Variants in CLCA1 observed in about 807,000 individuals in gnomAD.
CLCA1 encodes calcium-activated chloride channel regulator 1.
CLCA1 carries 59 observed loss-of-function variants against 85.6 expected under a neutral mutation model. The observed-to-expected ratio is 0.69, with a 90% confidence interval of 0.56 to 0.86. The LOEUF is 0.86. Among genes scored for constraint, CLCA1 ranks in the 40% least tolerant of loss-of-function variants. The pLI is 0.00. For synonymous variants in CLCA1, 396 were observed against 398.3 expected (o/e 0.99, Z 0.07); for missense variants, 1,022 against 1,101.4 (o/e 0.93, Z 1.02).
At chr1:86,487,614 G>C (rs1648017421) in intron 7 of CLCA1, among the ~76,000 whole-genome samples, 2 of 152,118 alleles carry the variant, frequency 1.3e-5, no homozygotes, top group South Asian at 4.1e-4. Context: ...TTGCAGTGGT[G>C]TCTGCTGTGG....
intron 1 of CLCA1, among the ~76,000 whole-genome samples, chr1:86,472,703 T>C (rs545715245): frequency 6.6e-6 from 1 of 152,316 alleles, no homozygotes; most frequent in East Asian, 1.9e-4. Flanking sequence ...AATTATGCTA[T>C]TTTCTTATAT....
intron 7 of CLCA1, among the ~76,000 whole-genome samples, 181 bp downstream of exon 7, chr1:86,486,934 G>A (rs535596334): frequency 1.2e-4 from 19 of 152,268 alleles, no homozygotes; most frequent in Admixed American, 1.1e-3. Flanking sequence ...GGTTGAAAGG[G>A]GCTGGCAGGC....
intron 6 of CLCA1, 125 bp from the exon 7 acceptor site, chr1:86,486,401 C>T (rs370441173): frequency 6.0e-5 from 47 of 779,330 alleles, no homozygotes; most frequent in East Asian, 4.8e-4. Flanking sequence ...ATAGGATATG[C>T]CTCAAGTAAG....
At chr1:86,486,794 T>C (rs1219058574) in intron 7 of CLCA1, 41 bp downstream of exon 7, 1 of 1,564,018 alleles carries the variant, frequency 6.4e-7, no homozygotes, top group South Asian at 1.1e-5. Flanking sequence ...ATGTTTGCAA[T>C]TTATGTTGCT....
At chr1:86,482,551 C>G (rs1387891172) in intron 5 of CLCA1, among the ~76,000 whole-genome samples, 169 bp downstream of exon 5, 1 of 152,176 alleles carries the variant, frequency 6.6e-6, no homozygotes, top group Non-Finnish European at 1.5e-5. Context: ...TGTCTTCCTT[C>G]CCCTTACCCT....
At chr1:86,483,276 G>A (rs113038048) in intron 5 of CLCA1, among the ~76,000 whole-genome samples, 1 of 152,140 alleles carries the variant, frequency 6.6e-6, no homozygotes, top group Non-Finnish European at 1.5e-5. Context: ...AGGTGTGGAA[G>A]CCTCTGCCTG....
At chr1:86,480,382 A>C (rs905330525) in intron 4 of CLCA1, among the ~76,000 whole-genome samples, 1 of 152,152 alleles carries the variant, frequency 6.6e-6, no homozygotes, top group East Asian at 1.9e-4. Context: ...AGAAGAATAG[A>C]TAATTTACAA....
At position 86,495,557 on chromosome 1, in the gene CLCA1, T is replaced by C; in HGVS notation, c.1995T>C (p.Tyr665=). The C allele has an allele frequency of 6.2e-7, 1 of 1,614,144 alleles. No individual in the cohort carries two copies. Among genetic ancestry groups the C allele is most frequent in the Non-Finnish European group, 8.5e-7 (1 of 1,179,968 alleles). Residue 665 remains tyrosine, a synonymous_variant, in exon 12 of 14, where the codon TAT becomes TAC. Coordinates refer to ENST00000394711, the MANE Select transcript of CLCA1 (RefSeq NM_001285.4). ...DGVYSRYFTT[Y]DTNGRYSVKV... ...TCTACTCAAGGTATTTCACAACTTA[T>C]GACACGAATGGTAGATACAGTGTAA...
At position 86,486,017 on chromosome 1, in the gene CLCA1, GGA is replaced by G. The variant is rs35497869; in HGVS notation, c.954+480_954+481del. Among the ~76,000 whole-genome samples, 25 of 147,388 alleles carry G rather than the reference GGA, an allele frequency of 1.7e-4. 1 individual carries two copies. Among genetic ancestry groups the G allele is most frequent in the African/African-American group, 3.3e-4 (13 of 39,920 alleles). ...GGCAGGCATGTCTTACATGGCAGCAGGAGAGAGAGAGAGAGAGAGAGAGAGTG... is the reference window on the plus strand; with the variant it reads ...GGCAGGCATGTCTTACATGGCAGCAGGAGAGAGAGAGAGAGAGAGAGAGTG... On this transcript the variant is annotated intron_variant, in intron 6 of 13. Coordinates refer to ENST00000394711, the MANE Select transcript of CLCA1 (RefSeq NM_001285.4).
chr1:86,481,705 G>A (rs2101734924), intron 4 of CLCA1, among the ~76,000 whole-genome samples: 1 of 151,922 alleles, frequency 6.6e-6, no homozygotes, highest in South Asian at 2.1e-4. Flanking sequence ...AGGTGTAGGG[G>A]GAAAGCATTC....
Position 86,499,908 on chromosome 1 carries a change from A to G in CLCA1, c.2608A>G (p.Thr870Ala), listed in dbSNP as rs1303227290. The G allele has an allele frequency of 3.7e-6, 6 of 1,613,842 alleles. No homozygotes were observed. The highest frequency in any genetic ancestry group is 5.1e-6 in the Non-Finnish European group (6 of 1,179,962). The change falls in exon 14 of 14, where the codon ACT (threonine) becomes GCT (alanine). Residue 870 changes from threonine (T) to alanine (A), a missense_variant. Physicochemically the swap from Thr to Ala is moderately conservative, Grantham distance 58. Transcript: ENST00000394711. ...AGTATCTTTGTTTATTCCTCCACAG[A>G]CTCCGCCAGAGACACCTAGTCCTGA... ...ARVSLFIPPQTPPETPSPDET... is the reference protein window; with the variant it reads ...ARVSLFIPPQAPPETPSPDET...
intron 1 of CLCA1, among the ~76,000 whole-genome samples, chr1:86,472,770 T>TA (rs1033554680): frequency 2.6e-5 from 4 of 151,946 alleles, no homozygotes; most frequent in Admixed American, 6.6e-5. Context: ...TGGCAAAGTT[T>TA]AAAAAAAAGA....
At position 86,469,118 on chromosome 1, in the gene CLCA1, C is replaced by A. The variant is rs779193119; in HGVS notation, c.147C>A (p.Leu49=). 6.2e-7 allele frequency: 1 copy of A among 1,604,034 alleles called. No homozygotes were observed. Among genetic ancestry groups the A allele is most frequent in the Admixed American group, 1.7e-5 (1 of 58,884 alleles). Residue 49 remains leucine (L), a synonymous_variant, in exon 1 of 14, where the codon CTC becomes CTA. Coordinates refer to ENST00000394711, the MANE Select transcript of CLCA1 (RefSeq NM_001285.4). The stretch of plus-strand genomic sequence containing the variant: ...CCAATGTGCCAGAAGATGAAACACT[C>A]ATTCAACAAATAAAGGTAAGTTCAT... ...IDPNVPEDET[L]IQQIKDMVTQ...
At chr1:86,484,434 G>C (rs1285764429) in intron 5 of CLCA1, among the ~76,000 whole-genome samples, 2 of 152,162 alleles carry the variant, frequency 1.3e-5, no homozygotes, top group African/African-American at 4.8e-5. Context: ...GGGTAAATTA[G>C]AGACATGGAA....
At chr1:86,472,959 A>T (rs1037094722) in intron 1 of CLCA1, among the ~76,000 whole-genome samples, 5 of 152,222 alleles carry the variant, frequency 3.3e-5, no homozygotes, top group Non-Finnish European at 5.9e-5. Flanking sequence ...TTTCACCCTC[A>T]AAGATTTGTG....
intron 3 of CLCA1, 144 bp downstream of exon 3, chr1:86,474,020 G>A: frequency 1.9e-6 from 1 of 525,670 alleles, no homozygotes; most frequent in Non-Finnish European, 3.1e-6. Context: ...ACTTAAAATA[G>A]AACATGCATT....
intron 8 of CLCA1, among the ~76,000 whole-genome samples, chr1:86,490,548 C>G (rs539389358): frequency 5.3e-5 from 8 of 152,088 alleles, no homozygotes; most frequent in Non-Finnish European, 1.2e-4. Context: ...TCTAAAGCCA[C>G]GTTTGTTGGA....
At chr1:86,479,825 C>G (rs1647768777) in intron 4 of CLCA1, among the ~76,000 whole-genome samples, 2 of 152,248 alleles carry the variant, frequency 1.3e-5, no homozygotes, top group Non-Finnish European at 2.9e-5. Context: ...GCGGAGCTTG[C>G]AGTGAGCCGA....
Position 86,499,985 on chromosome 1 carries a change from C to A in CLCA1, c.2685C>A (p.Gly895=). The change falls in exon 14 of 14, where the codon GGC becomes GGA. Residue 895 remains glycine (G), a synonymous_variant. Coordinates refer to ENST00000394711, the MANE Select transcript of CLCA1 (RefSeq NM_001285.4). ...TTCATATCAACAGCACCATTCCTGG[C>A]ATTCACATTTTAAAAATTATGTGGA... ...PNIHINSTIP[G]IHILKIMWKW... 1 of 1,612,308 alleles carries A rather than the reference C, an allele frequency of 6.2e-7. No homozygotes were observed. Among genetic ancestry groups the A allele is most frequent in the Middle Eastern group, 1.7e-4 (1 of 6,058 alleles).
Sources: allele counts gnomAD v4.1 joint callset (sites outside exome capture counted in the v4.1 genomes callset), GRCh38; gene constraint gnomAD v4.1.1; transcripts MANE v1.5; gene names NCBI Gene and HGNC (gene_info 2026-07-23, HGNC 2026-07-21).